Variants in POLDIP3 observed in about 807,000 individuals in gnomAD.
The protein encoded by POLDIP3 is DNA polymerase delta interacting protein 3.
A neutral mutation model predicts 45.1 loss-of-function variants in POLDIP3; 14 were observed. The ratio of observed to expected loss-of-function variants is 0.31; its 90% CI spans 0.20 to 0.49. The LOEUF is 0.49. POLDIP3 is among the 20% of genes least tolerant of loss of function. The probability of loss-of-function intolerance (pLI) is 0.99; values close to 1 mark genes in which losing one functional copy is unlikely to be tolerated. For synonymous variants in POLDIP3, 223 were observed against 205.2 expected, an observed-to-expected ratio of 1.09 and a Z score of -0.74; for missense variants, 511 against 538.8, an observed-to-expected ratio of 0.95 and a Z score of 0.51.
At position 42,614,840 on chromosome 22, in the gene POLDIP3, C is replaced by T. The variant is rs1453649872; in HGVS notation, c.18G>A (p.Leu6=). 1.9e-6 allele frequency: 3 copies of T among 1,613,936 alleles called. No individual in the cohort carries two copies. Among genetic ancestry groups the T allele is most frequent in the South Asian group, 2.2e-5 (2 of 91,088 alleles). MADIS[L]DELIRKRGAA... ...CCCCGCGCTTCCTGATGAGTTCGTC[C>T]AGGGAGATGTCCGCCATCTTGCTCC... Residue 6 remains leucine, a synonymous_variant, in exon 1 of 9, where the codon CTG becomes CTA. Transcript: ENST00000252115.
chr22:42,614,538 C>A (rs982269804), intron 1 of POLDIP3, among the ~76,000 whole-genome samples: 1 of 152,106 alleles, frequency 6.6e-6, no homozygotes, highest in African/African-American at 2.4e-5. Flanking sequence ...AGGGGGCAGC[C>A]CCTCAGGTCC....
chr22:42,610,223 G>A (rs1927038422), intron 1 of POLDIP3, among the ~76,000 whole-genome samples: 1 of 152,142 alleles, frequency 6.6e-6, no homozygotes, highest in Non-Finnish European at 1.5e-5. Flanking sequence ...CAAGAGTCTT[G>A]TGCAGATGTT....
At chr22:42,604,261 T>C (rs1378543894) in intron 1 of POLDIP3, among the ~76,000 whole-genome samples, 1 of 152,172 alleles carries the variant, frequency 6.6e-6, no homozygotes, top group Non-Finnish European at 1.5e-5. Context: ...GCTTGTTTCC[T>C]TTTTTCTCTC....
At chr22:42,597,792 T>C (rs1926091267) in intron 4 of POLDIP3, 4 of 462,490 alleles carry the variant, frequency 8.6e-6, no homozygotes, top group Non-Finnish European at 1.8e-5. Flanking sequence ...TTTTTTTTTT[T>C]TTTTTTGAGA....
chr22:42,605,721 T>C (rs1926682170), intron 1 of POLDIP3, among the ~76,000 whole-genome samples: 1 of 151,898 alleles, frequency 6.6e-6, no homozygotes, highest in African/African-American at 2.4e-5. Context: ...CATGCACGAT[T>C]AGAAAGAAAT....
At chr22:42,598,311 G>A (rs1601893813) in intron 4 of POLDIP3, among the ~76,000 whole-genome samples, 1 of 149,324 alleles carries the variant, frequency 6.7e-6, no homozygotes, top group African/African-American at 2.5e-5. Flanking sequence ...GAGTGCAGTG[G>A]CGCCTCTTGG....
At chr22:42,599,589 A>C in intron 4 of POLDIP3, 109 bp downstream of exon 4, 1 of 803,130 alleles carries the variant, frequency 1.2e-6, no homozygotes, top group Non-Finnish European at 2.1e-6. Flanking sequence ...CCTGGGGGAG[A>C]AGAGCGAGAT....
In POLDIP3 at chr22:42,585,765, C is replaced by T. The variant is rs747983199; in HGVS notation, c.*26G>A. 1 of 1,601,684 alleles carries T rather than the reference C, an allele frequency of 6.2e-7. No individual in the cohort carries two copies. Among genetic ancestry groups the T allele is most frequent in the East Asian group, 2.2e-5 (1 of 44,682 alleles). ...AAACAGAGCCACCCTCCTCTGCCCC[C>T]ACTTCTGGCTGCCTCACTCCCCTGC... On this transcript the variant is annotated 3_prime_UTR_variant, in exon 9 of 9. Transcript: ENST00000252115.
At chr22:42,594,563 A>T (rs1321704974) in intron 6 of POLDIP3, among the ~76,000 whole-genome samples, 1 of 152,224 alleles carries the variant, frequency 6.6e-6, no homozygotes, top group East Asian at 1.9e-4. Context: ...TGACCAGTGC[A>T]GTCTGTTAGT....
At chr22:42,597,141 T>A (rs773615240) in intron 4 of POLDIP3, among the ~76,000 whole-genome samples, 1 of 152,106 alleles carries the variant, frequency 6.6e-6, no homozygotes, top group African/African-American at 2.4e-5. Flanking sequence ...GCAGTGCAGA[T>A]CACCAAAAAC....
At chr22:42,593,952 G>C (rs1350632894) in intron 6 of POLDIP3, among the ~76,000 whole-genome samples, 3 of 152,078 alleles carry the variant, frequency 2.0e-5, no homozygotes, top group Non-Finnish European at 4.4e-5. Flanking sequence ...CACGGCATGC[G>C]TGTGTTTCAC....
rs1407177103 is a variant in POLDIP3, at chr22:42,584,928, G to A, written c.*863C>T. 12 of 456,154 alleles carry A rather than the reference G, an allele frequency of 2.6e-5. No homozygotes were observed. The highest frequency in any genetic ancestry group is 4.0e-5 in the Non-Finnish European group (9 of 226,970). The allele number at this position is 456,154 out of a possible 1,614,324, so 28.3% of individuals were successfully genotyped here. A position where few individuals can be genotyped will look rare whatever the true frequency, so the allele number is the denominator to read the frequency against. Reference sequence around the variant, plus strand: ...CAAGCACTGCACAATGGGAGGCTGAGCCTTTCAAAGGCCCAACCAGAAGAG... The same window carrying A: ...CAAGCACTGCACAATGGGAGGCTGAACCTTTCAAAGGCCCAACCAGAAGAG... On this transcript the variant is annotated 3_prime_UTR_variant, in exon 9 of 9. Transcript: ENST00000252115.
rs367945000 is a variant in POLDIP3 at position 42,602,760 on chromosome 22, C to T, written c.450+10G>A. 265 of 1,580,872 alleles carry T rather than the reference C, an allele frequency of 1.7e-4. No individual in the cohort carries two copies. Among genetic ancestry groups the T allele is most frequent in the Non-Finnish European group, 2.1e-4 (249 of 1,162,672 alleles). ...CTTTCTGGGAATTCATGACAAAAGC[C>T]ACAACTCACCTGGATGGTTTTGGTG... On this transcript the variant is annotated intron_variant, in intron 2 of 8. Coordinates refer to ENST00000252115, the MANE Select transcript of POLDIP3 (RefSeq NM_032311.5).
Position 42,585,107 on chromosome 22 carries a change from TG to T in POLDIP3, c.*683del. 4.6e-6 allele frequency: 2 copies of T among 438,482 alleles called. No homozygotes were observed. The highest frequency in any genetic ancestry group is 3.2e-5 in the South Asian group (2 of 61,902). The allele number at this position is 438,482 out of a possible 1,614,324, so 27.2% of individuals were successfully genotyped here. A position where few individuals can be genotyped will look rare whatever the true frequency, so the allele number is the denominator to read the frequency against. On this transcript the variant is annotated 3_prime_UTR_variant, in exon 9 of 9. Coordinates refer to ENST00000252115, the MANE Select transcript of POLDIP3 (RefSeq NM_032311.5). The stretch of plus-strand genomic sequence containing the variant: ...GCACAACTCAAGGAAAAGGGAAAGG[TG>T]AACTCTGGAGAACTTCCTCTGGGTG...
At chr22:42,603,941 A>AT (rs372249140) in intron 1 of POLDIP3, among the ~76,000 whole-genome samples, 3 of 152,000 alleles carry the variant, frequency 2.0e-5, no homozygotes, top group Admixed American at 6.6e-5. Flanking sequence ...AAAATAAAAT[A>AT]TTTTTTTTAA....
chr22:42,608,100 C>T (rs1823768351), intron 1 of POLDIP3, among the ~76,000 whole-genome samples: 1 of 152,170 alleles, frequency 6.6e-6, no homozygotes, highest in African/African-American at 2.4e-5. Flanking sequence ...AAGACGATGG[C>T]GGTTTTGTCG....
intron 6 of POLDIP3, 150 bp from the exon 7 acceptor site, chr22:42,592,234 T>C: frequency 8.8e-7 from 1 of 1,142,774 alleles, no homozygotes; most frequent in East Asian, 2.4e-5. Flanking sequence ...GAGGTGGTGC[T>C]CTGGAGACAT....
chr22:42,593,456 A>G (rs1195641635), intron 6 of POLDIP3, among the ~76,000 whole-genome samples: 1 of 152,234 alleles, frequency 6.6e-6, no homozygotes, highest in Admixed American at 6.5e-5. Context: ...GAGTCTGCCT[A>G]AAGTGACTGG....
At chr22:42,612,011 G>A (rs555019290) in intron 1 of POLDIP3, among the ~76,000 whole-genome samples, 43 of 152,204 alleles carry the variant, frequency 2.8e-4, no homozygotes, top group Non-Finnish European at 6.0e-4. Context: ...CTGTGCAGGT[G>A]AGATAAAAAC....
Sources: gnomAD v4.1 joint callset for allele counts (sites outside exome capture counted in the v4.1 genomes callset) on GRCh38, gnomAD v4.1.1 for gene constraint, MANE v1.5 for transcripts, NCBI Gene and HGNC (gene_info 2026-07-23, HGNC 2026-07-21) for gene names.